Variants in CFDP1 observed in about 807,000 individuals in gnomAD.
The protein encoded by CFDP1 is heterochromatin-stabilizing protein CFDP1.
A neutral mutation model predicts 40.1 loss-of-function variants in CFDP1; 31 were observed. The ratio of observed to expected loss-of-function variants is 0.77; its 90% confidence interval spans 0.58 to 1.04. The LOEUF (loss-of-function observed/expected upper bound fraction) is 1.04. CFDP1 is among the 50% of genes least tolerant of loss of function. The probability of loss-of-function intolerance (pLI) is 0.00; values close to 1 mark genes in which losing one functional copy is unlikely to be tolerated. For synonymous variants in CFDP1, 167 were observed against 120.0 expected (o/e 1.39, Z -2.56); for missense variants, 423 against 343.4 (o/e 1.23, Z -1.83).
At chr16:75,296,408 T>G (rs2078182471) in intron 6 of CFDP1, among the ~76,000 whole-genome samples, 1 of 152,110 alleles carries the variant, frequency 6.6e-6, no homozygotes, top group Admixed American at 6.5e-5. Context: ...TGGCTAATTT[T>G]AAATCTTTTG....
chr16:75,402,211 C>T (rs553068967), intron 4 of CFDP1, among the ~76,000 whole-genome samples: 17 of 152,240 alleles, frequency 1.1e-4, no homozygotes, highest in East Asian at 3.9e-4. Context: ...CCACCTCTAA[C>T]GCACAAGAGG....
At chr16:75,327,084 C>T (rs1048031318) in intron 5 of CFDP1, among the ~76,000 whole-genome samples, 3 of 151,980 alleles carry the variant, frequency 2.0e-5, no homozygotes, top group South Asian at 2.1e-4. Context: ...TCCTGGCACA[C>T]GGTGAAACCC....
intron 5 of CFDP1, among the ~76,000 whole-genome samples, chr16:75,322,401 ATTG>A (rs1475545341): frequency 6.6e-6 from 1 of 152,214 alleles, no homozygotes; most frequent in African/African-American, 2.4e-5. Context: ...AGGTGATTTC[ATTG>A]TTGTGCCCAA....
intron 1 of CFDP1, among the ~76,000 whole-genome samples, chr16:75,420,529 G>A (rs935496294): frequency 1.3e-5 from 2 of 152,192 alleles, no homozygotes; most frequent in African/African-American, 4.8e-5. Flanking sequence ...ATAGAAAGGG[G>A]AGTGTGCTAG....
At chr16:75,404,883 C>T (rs1253654288) in intron 4 of CFDP1, among the ~76,000 whole-genome samples, 1 of 152,186 alleles carries the variant, frequency 6.6e-6, no homozygotes, top group Non-Finnish European at 1.5e-5. Flanking sequence ...GGATAGCGCG[C>T]TGGACTTCTA....
intron 5 of CFDP1, among the ~76,000 whole-genome samples, chr16:75,393,026 T>G (rs553212772): frequency 6.6e-6 from 1 of 152,314 alleles, no homozygotes; most frequent in African/African-American, 2.4e-5. Context: ...GTCCTGGCAT[T>G]CAGTGCCATG....
chr16:75,314,289 C>T (rs1281612622), intron 5 of CFDP1, among the ~76,000 whole-genome samples: 3 of 152,096 alleles, frequency 2.0e-5, no homozygotes, highest in South Asian at 2.1e-4. Flanking sequence ...AAAAGGAATA[C>T]CAATACATGG....
chr16:75,319,106 C>T (rs2078345228), intron 5 of CFDP1, among the ~76,000 whole-genome samples: 2 of 152,060 alleles, frequency 1.3e-5, no homozygotes, highest in African/African-American at 2.4e-5. Context: ...TGCAGTGGAG[C>T]GATCTCGGCT....
chr16:75,403,279 C>T (rs2079070879), intron 4 of CFDP1, among the ~76,000 whole-genome samples: 3 of 152,178 alleles, frequency 2.0e-5, no homozygotes, highest in Admixed American at 2.0e-4. Flanking sequence ...AGTTCAGTGG[C>T]ACGATCTCAG....
intron 4 of CFDP1, chr16:75,406,764 C>T (rs1043222304): frequency 1.3e-5 from 2 of 152,084 alleles, no homozygotes; most frequent in Non-Finnish European, 2.9e-5. Flanking sequence ...GTAACTCATG[C>T]CTGTAATCCC....
intron 5 of CFDP1, among the ~76,000 whole-genome samples, chr16:75,384,852 C>CTATATATATATATA (rs59681577): frequency 6.7e-5 from 8 of 119,996 alleles, no homozygotes; most frequent in African/African-American, 1.1e-4. Context: ...GAAACTAAAA[C>CTATATATATATATA]TATATATATA....
At chr16:75,410,615 T>C (rs1212835811) in intron 4 of CFDP1, among the ~76,000 whole-genome samples, 1 of 147,874 alleles carries the variant, frequency 6.8e-6, no homozygotes, top group Non-Finnish European at 1.5e-5. Context: ...CTACTAAAAC[T>C]ACAAAAAAAA....
Position 75,300,253 on chromosome 16 carries a change from T to C in CFDP1, c.809+4771A>G, listed in dbSNP as rs368523793. ...GAAACCATCAATTGGACTTGTGGGA[T>C]GTTGGTGGAAAGACAGGAAATCAAG... On this transcript the variant is annotated intron_variant, in intron 6 of 6. Coordinates refer to ENST00000283882, the MANE Select transcript of CFDP1 (RefSeq NM_006324.3). Among the ~76,000 whole-genome samples, 5 of 152,050 alleles carry C rather than the reference T, an allele frequency of 3.3e-5. No homozygotes were observed. In the East Asian group the frequency reaches 9.6e-4, roughly 29 times the overall value.
chr16:75,297,659 C>T (rs1329128327), intron 6 of CFDP1, among the ~76,000 whole-genome samples: 1 of 152,198 alleles, frequency 6.6e-6, no homozygotes, highest in East Asian at 1.9e-4. Flanking sequence ...TGCATCATCC[C>T]TTTCTGCTTC....
Position 75,426,322 on chromosome 16 carries a change from C to A in CFDP1, c.64+6967G>T, listed in dbSNP as rs138653456. 4.7e-3 allele frequency among the ~76,000 whole-genome samples: 709 copies of A among 152,108 alleles called. 8 individuals are homozygous for A. The highest frequency in any genetic ancestry group is 3.9e-3 in the Non-Finnish European group (268 of 68,010). ...CCAAGATCATGACATTGCACTCCAGCCTGGGCAACAAGAGCGAAACTCTAT... is the reference window on the plus strand; with the variant it reads ...CCAAGATCATGACATTGCACTCCAGACTGGGCAACAAGAGCGAAACTCTAT... On this transcript the variant is annotated intron_variant, in intron 1 of 6. Coordinates refer to ENST00000283882, the MANE Select transcript of CFDP1 (RefSeq NM_006324.3).
intron 1 of CFDP1, among the ~76,000 whole-genome samples, chr16:75,415,845 C>T (rs1445668731): frequency 6.6e-6 from 1 of 152,150 alleles, no homozygotes; most frequent in Non-Finnish European, 1.5e-5. Context: ...TACTCCTGTG[C>T]ATCCAATCAG....
At chr16:75,312,380 A>G (rs1027998213) in intron 5 of CFDP1, among the ~76,000 whole-genome samples, 4 of 152,224 alleles carry the variant, frequency 2.6e-5, no homozygotes, top group African/African-American at 9.6e-5. Context: ...TTTTAAATCT[A>G]TTAATAAAGT....
chr16:75,403,704 T>A (rs1306325518), intron 4 of CFDP1, among the ~76,000 whole-genome samples: 2 of 152,242 alleles, frequency 1.3e-5, no homozygotes, highest in Non-Finnish European at 2.9e-5. Context: ...CTTTCTATAT[T>A]ATTTTTATAG....
chr16:75,390,862 G>A (rs1287295903), intron 5 of CFDP1, among the ~76,000 whole-genome samples: 1 of 152,168 alleles, frequency 6.6e-6, no homozygotes, highest in Non-Finnish European at 1.5e-5. Context: ...TAGTAATAGA[G>A]TCTCATTATT....
Sources: gnomAD v4.1 joint callset for allele counts (sites outside exome capture counted in the v4.1 genomes callset) on GRCh38, gnomAD v4.1.1 for gene constraint, MANE v1.5 for transcripts, NCBI Gene and HGNC (gene_info 2026-07-23, HGNC 2026-07-21) for gene names.